The following COG6 variants were observed in gnomAD, a reference collection of about 807,000 sequenced individuals.
The protein encoded by COG6 is conserved oligomeric Golgi complex subunit 6.
A neutral mutation model predicts 88.8 loss-of-function variants in COG6; 74 were observed. The ratio of observed to expected loss-of-function variants is 0.83; its 90% CI spans 0.69 to 1.01. COG6 has a LOEUF of 1.01. COG6 is among the 50% of genes least tolerant of loss of function. COG6 has a pLI of 0.00. For synonymous variants in COG6, 286 were observed against 278.7 expected (o/e 1.03, Z -0.26); for missense variants, 800 against 797.9 (o/e 1.00, Z -0.03).
intron 1 of COG6, chr13:39,656,323 A>C (rs1022130920): frequency 7.9e-6 from 3 of 380,040 alleles, no homozygotes; most frequent in Non-Finnish European, 1.6e-5. Flanking sequence ...GGTAGGGATA[A>C]GGGTGCATTT....
At chr13:39,771,436 C>T (rs915576016) in intron 18 of COG6, among the ~76,000 whole-genome samples, 2 of 152,176 alleles carry the variant, frequency 1.3e-5, no homozygotes, top group Non-Finnish European at 2.9e-5. Context: ...GCCCAGCGCT[C>T]CCCAGGGAGA....
rs768326852 is a variant in COG6, at chr13:39,724,540, T to C, written c.1725T>C (p.Ser575=). The C allele has an allele frequency of 6.2e-7, 1 of 1,602,350 alleles. No individual in the cohort carries two copies. The highest frequency in any genetic ancestry group is 1.1e-5 in the South Asian group (1 of 90,650). The change falls in exon 17 of 19, where the codon TCT becomes TCC. Residue 575 remains serine (S), a synonymous_variant. Coordinates refer to ENST00000455146, the MANE Select transcript of COG6 (RefSeq NM_020751.3). ...GSLANMPNLD[S]VTLKAAMVQF... ...TAGCTAATATGCCCAACCTAGATTC[T>C]GTGACACTGAAGGCTGCAATGGTAA...
chr13:39,662,178 T>C (rs1289580545), intron 3 of COG6, among the ~76,000 whole-genome samples: 7 of 150,146 alleles, frequency 4.7e-5, no homozygotes, highest in African/African-American at 7.3e-5. Context: ...AGTCTCGCTG[T>C]ATCCTTAGTG....
intron 3 of COG6, among the ~76,000 whole-genome samples, chr13:39,663,667 G>A (rs1875055591): frequency 6.6e-6 from 1 of 152,064 alleles, no homozygotes. Flanking sequence ...GGGAGGCTGA[G>A]GCAGAATGAT....
chr13:39,730,790 A>AAAAAAAAAAAAAAAAAAAAAAAAAG (rs1593458297), intron 18 of COG6, among the ~76,000 whole-genome samples: 1 of 149,302 alleles, frequency 6.7e-6, no homozygotes, highest in East Asian at 2.0e-4. Context: ...AAAAAAAAAA[A>AAAAAAAAAAAAAAAAAAAAAAAAAG]AAAAAAAAAG....
chr13:39,706,002 A>T (rs911768004), intron 13 of COG6, among the ~76,000 whole-genome samples: 64 of 151,992 alleles, frequency 4.2e-4, no homozygotes, highest in African/African-American at 1.5e-3. Context: ...TTTAATATTT[A>T]AAAAAATAAA....
chr13:39,661,420 A>G (rs1254030622), intron 3 of COG6, among the ~76,000 whole-genome samples: 2 of 152,178 alleles, frequency 1.3e-5, no homozygotes, highest in Admixed American at 1.3e-4. Flanking sequence ...AGGGCCAATC[A>G]TGATTATGTC....
chr13:39,687,805 T>C lies in COG6; in HGVS notation c.1009+6T>C, dbSNP rs752382409. On this transcript the variant is annotated splice_donor_region_variant and intron_variant, in intron 10 of 18. Transcript: ENST00000455146. Reference sequence around the variant, plus strand: ...AAAGCATGTAACTACACAAGGTGGGTCCACCAATTGTATTGCTAATGCCTA... The same window carrying C: ...AAAGCATGTAACTACACAAGGTGGGCCCACCAATTGTATTGCTAATGCCTA... The C allele has an allele frequency of 1.9e-6, 3 of 1,595,438 alleles. No individual in the cohort carries two copies. The highest frequency in any genetic ancestry group is 2.6e-6 in the Non-Finnish European group (3 of 1,163,394).
rs779823437 is a variant in COG6 at position 39,679,985 on chromosome 13, A to G, written c.634A>G (p.Met212Val). Residue 212 changes from methionine to valine, a missense_variant, in exon 7 of 19, where the codon ATG becomes GTG. Physicochemically the swap from Met to Val is conservative, Grantham distance 21. Coordinates refer to ENST00000455146, the MANE Select transcript of COG6 (RefSeq NM_020751.3). ...TTAATTTTTTTTTAGTTTAGAAATT[A>G]TGGAACAGATGGCCTTACTTCAAGA... is the stretch of plus-strand genomic sequence containing the variant. ...TNQQTAGLEI[M>V]EQMALLQETA... is the part of the protein sequence containing the mutation. 50 of 1,547,704 alleles carry G rather than the reference A, an allele frequency of 3.2e-5. 3 individuals are homozygous for G. In the Middle Eastern group the frequency reaches 5.1e-4, roughly 16 times the overall value.
chr13:39,662,285 C>T (rs554498235), intron 3 of COG6, among the ~76,000 whole-genome samples: 32 of 151,878 alleles, frequency 2.1e-4, no homozygotes, highest in Admixed American at 1.8e-3. Flanking sequence ...TGACACCATG[C>T]CTGGCTGATT....
chr13:39,718,539 T>C (rs558332810), intron 13 of COG6, among the ~76,000 whole-genome samples: 1 of 152,262 alleles, frequency 6.6e-6, no homozygotes, highest in African/African-American at 2.4e-5. Flanking sequence ...GGCATGTTAC[T>C]CAGCCATGCA....
At chr13:39,747,039 C>A (rs547136781) in intron 18 of COG6, among the ~76,000 whole-genome samples, 2 of 152,154 alleles carry the variant, frequency 1.3e-5, no homozygotes, top group South Asian at 4.2e-4. Flanking sequence ...TAAAGATTAA[C>A]CAGTTCAATA....
intron 18 of COG6, among the ~76,000 whole-genome samples, chr13:39,734,062 C>T (rs1436018686): frequency 6.6e-6 from 1 of 152,040 alleles, no homozygotes; most frequent in African/African-American, 2.4e-5. Flanking sequence ...TTCAAAAAAT[C>T]ACCTTTTGTT....
chr13:39,719,352 A>G lies in COG6; in HGVS notation c.1401A>G (p.Gln467=), dbSNP rs758883416. 2.5e-6 allele frequency: 4 copies of G among 1,612,400 alleles called. No individual in the cohort carries two copies. In the East Asian group the frequency reaches 8.9e-5, roughly 36 times the overall value. The stretch of plus-strand genomic sequence containing the variant: ...CAGTTGTACCATTAGATGCTCGTCA[A>G]GCTGATTTTGTGCAGGTATGTTATA... The part of the protein sequence containing the change: ...DSSVVPLDAR[Q]ADFVQVLSCV... The change falls in exon 14 of 19, where the codon CAA becomes CAG. Residue 467 remains glutamine (Q), a synonymous_variant. Coordinates refer to ENST00000455146, the MANE Select transcript of COG6 (RefSeq NM_020751.3).
chr13:39,699,551 T>TG lies in COG6; in HGVS notation c.1218dup (p.His407AlafsTer11). Reference sequence around the variant, plus strand: ...GCATTATTGACTACCATTGAAGAAATGCATTTGCTAAGCAAAAAAATATTC... The same window carrying TG: ...GCATTATTGACTACCATTGAAGAAATGGCATTTGCTAAGCAAAAAAATATTC... On this transcript the variant is annotated frameshift_variant, in exon 13 of 19. Coordinates refer to ENST00000455146, the MANE Select transcript of COG6 (RefSeq NM_020751.3). LOFTEE classifies it high-confidence loss of function. 6.3e-7 allele frequency: 1 copy of TG among 1,598,886 alleles called. No individual in the cohort carries two copies. Among genetic ancestry groups the TG allele is most frequent in the Non-Finnish European group, 8.6e-7 (1 of 1,167,160 alleles).
Position 39,699,531 on chromosome 13 carries a change from A to G in COG6, c.1197A>G (p.Leu399=). 6.3e-7 allele frequency: 1 copy of G among 1,589,620 alleles called. No individual in the cohort carries two copies. Among genetic ancestry groups the G allele is most frequent in the Non-Finnish European group, 8.6e-7 (1 of 1,158,756 alleles). The change falls in exon 13 of 19, where the codon TTA becomes TTG. Residue 399 remains leucine (L), a synonymous_variant. Coordinates refer to ENST00000455146, the MANE Select transcript of COG6 (RefSeq NM_020751.3). ...TTGTTGGAAATAGTGCAACTGCATT[A>G]TTGACTACCATTGAAGAAATGCATT... ...SGIVGNSATA[L]LTTIEEMHLL...
chr13:39,682,344 G>A (rs975687172), intron 8 of COG6, 80 bp downstream of exon 8: 2 of 802,492 alleles, frequency 2.5e-6, no homozygotes, highest in Non-Finnish European at 2.2e-6. Context: ...ATTATCAAAA[G>A]CGTATATAAT....
At chr13:39,706,195 T>TACA (rs1250287929) in intron 13 of COG6, among the ~76,000 whole-genome samples, 1 of 122,062 alleles carries the variant, frequency 8.2e-6, no homozygotes, top group African/African-American at 3.2e-5. Context: ...CACACACACT[T>TACA]CTTTTATATA....
chr13:39,718,022 A>G (rs1001900778), intron 13 of COG6, among the ~76,000 whole-genome samples: 3 of 152,164 alleles, frequency 2.0e-5, no homozygotes, highest in Non-Finnish European at 2.9e-5. Context: ...TTCTTCAGAC[A>G]TGATTTTCTT....
Sources: gnomAD v4.1 joint callset for allele counts (sites outside exome capture counted in the v4.1 genomes callset) on GRCh38, gnomAD v4.1.1 for gene constraint, MANE v1.5 for transcripts, NCBI Gene and HGNC (gene_info 2026-07-23, HGNC 2026-07-21) for gene names.